MTHFD1L: variants seen among roughly 807,000 people sequenced by gnomAD.
MTHFD1L encodes monofunctional C1-tetrahydrofolate synthase, mitochondrial.
A neutral mutation model predicts 119.5 loss-of-function variants in MTHFD1L; 81 were observed. The ratio of observed to expected loss-of-function variants is 0.68; its 90% confidence interval spans 0.57 to 0.82. The LOEUF (loss-of-function observed/expected upper bound fraction) is 0.82. Ranked by LOEUF, MTHFD1L falls within the 40% of genes least tolerant of loss-of-function variation. MTHFD1L has a pLI of 0.00. For synonymous variants in MTHFD1L, 430 were observed against 475.2 expected (o/e 0.90, Z 1.24); for missense variants, 1,125 against 1,253.4 (o/e 0.90, Z 1.55).
intron 10 of MTHFD1L, 41 bp downstream of exon 10, chr6:150,922,343 C>A: frequency 6.5e-7 from 1 of 1,535,314 alleles, no homozygotes; most frequent in Non-Finnish European, 9.0e-7. Flanking sequence ...CAGCTCAGCA[C>A]AGTGCCTTAG....
intron 26 of MTHFD1L, among the ~76,000 whole-genome samples, chr6:151,051,535 G>A (rs1789035161): frequency 6.6e-6 from 1 of 152,172 alleles, no homozygotes; most frequent in Non-Finnish European, 1.5e-5. Flanking sequence ...AGGAATAACT[G>A]GACTTTAAAC....
At chr6:151,068,345 C>A (rs1791555055) in intron 26 of MTHFD1L, among the ~76,000 whole-genome samples, 1 of 152,240 alleles carries the variant, frequency 6.6e-6, no homozygotes, top group Non-Finnish European at 1.5e-5. Context: ...AAGATCTTAT[C>A]AGTGATGGAG....
intron 7 of MTHFD1L, among the ~76,000 whole-genome samples, chr6:150,905,320 C>T (rs749967712): frequency 1.6e-4 from 24 of 152,260 alleles, no homozygotes; most frequent in Non-Finnish European, 2.9e-4. Context: ...GTGTGAGCCA[C>T]TATGCCCGGC....
chr6:151,015,285 A>T lies in MTHFD1L; in HGVS notation c.2409-231A>T, dbSNP rs760518443. ...CTGTGAATGATCAAAGGGATATGTT[A>T]TGGAATTTTCTTGATAACACCCTTA... On this transcript the variant is annotated intron_variant, in intron 23 of 27. Coordinates refer to ENST00000367321, the MANE Select transcript of MTHFD1L (RefSeq NM_015440.5). 7.7e-4 allele frequency among the ~76,000 whole-genome samples: 104 copies of T among 134,582 alleles called. 1 individual carries two copies. The highest frequency in any genetic ancestry group is 2.3e-3 in the South Asian group (10 of 4,318). 88.3% of individuals were successfully genotyped at this position (134,582 alleles called of 152,430 possible).
At chr6:151,096,573 G>A (rs994310695) in intron 27 of MTHFD1L, among the ~76,000 whole-genome samples, 10 of 152,134 alleles carry the variant, frequency 6.6e-5, no homozygotes, top group Non-Finnish European at 1.5e-5. Context: ...TATTCAAAAT[G>A]CATAAAATAA....
chr6:151,060,655 C>T (rs559688998), intron 26 of MTHFD1L, among the ~76,000 whole-genome samples: 1 of 152,240 alleles, frequency 6.6e-6, no homozygotes, highest in Non-Finnish European at 1.5e-5. Context: ...GCAGCAAGTC[C>T]GCAGCATGAA....
chr6:151,030,195 G>T (rs1251845225), intron 24 of MTHFD1L, among the ~76,000 whole-genome samples: 1 of 152,166 alleles, frequency 6.6e-6, no homozygotes, highest in Non-Finnish European at 1.5e-5. Flanking sequence ...TAAATTCAGG[G>T]AGGTTACATG....
At chr6:150,918,315 G>A (rs1162257812) in intron 8 of MTHFD1L, among the ~76,000 whole-genome samples, 5 of 151,980 alleles carry the variant, frequency 3.3e-5, no homozygotes, top group African/African-American at 4.8e-5. Context: ...CACCTGCCTC[G>A]GCCTCCCAAA....
chr6:151,058,385 G>A (rs941326944), intron 26 of MTHFD1L, among the ~76,000 whole-genome samples: 12 of 152,336 alleles, frequency 7.9e-5, no homozygotes, highest in South Asian at 6.2e-4. Flanking sequence ...TCCTGGCAAA[G>A]GCTGCATTTC....
chr6:150,994,553 A>C (rs1307403940), intron 20 of MTHFD1L, among the ~76,000 whole-genome samples: 1 of 152,170 alleles, frequency 6.6e-6, no homozygotes, highest in Non-Finnish European at 1.5e-5. Flanking sequence ...GGTCAACCAG[A>C]GTTTAGGCAA....
chr6:150,873,732 A>T (rs951526344), intron 1 of MTHFD1L, among the ~76,000 whole-genome samples: 1 of 151,948 alleles, frequency 6.6e-6, no homozygotes, highest in African/African-American at 2.4e-5. Flanking sequence ...CAGTGGCATG[A>T]TTTTGGCTCA....
intron 20 of MTHFD1L, among the ~76,000 whole-genome samples, chr6:150,976,611 C>G (rs1020220461): frequency 3.9e-5 from 6 of 152,286 alleles, no homozygotes; most frequent in South Asian, 4.1e-4. Flanking sequence ...AGGGAAGGAT[C>G]TCTTAAAATA....
chr6:150,935,466 C>T lies in MTHFD1L; in HGVS notation c.1257-1338C>T, dbSNP rs58157143. The stretch of plus-strand genomic sequence containing the variant: ...TCAGCTCCTTGGCATTTGTAGCCTA[C>T]CTGTGCAATCATAGGAGATGGCCTA... On this transcript the variant is annotated intron_variant, in intron 11 of 27. Coordinates refer to ENST00000367321, the MANE Select transcript of MTHFD1L (RefSeq NM_015440.5). 1,317 of 1,609,596 alleles carry T rather than the reference C, an allele frequency of 8.2e-4. 10 individuals are homozygous for T. The African/African-American group carries it at 0.015, about 18-fold the overall frequency.
chr6:151,067,259 T>G (rs527582456), intron 26 of MTHFD1L, among the ~76,000 whole-genome samples: 15 of 152,010 alleles, frequency 9.9e-5, no homozygotes, highest in Middle Eastern at 3.4e-3. Context: ...TCGATTTGAT[T>G]ATTATAAAAT....
intron 9 of MTHFD1L, among the ~76,000 whole-genome samples, chr6:150,920,939 A>ATT (rs869169480): frequency 5.1e-4 from 49 of 96,866 alleles, no homozygotes; most frequent in Non-Finnish European, 7.5e-4. Flanking sequence ...CACCCAGATA[A>ATT]TTTTTTTTTT....
intron 8 of MTHFD1L, among the ~76,000 whole-genome samples, chr6:150,910,857 T>G (rs1190532565): frequency 6.6e-6 from 1 of 152,114 alleles, no homozygotes; most frequent in Admixed American, 6.5e-5. Context: ...ATTTGAAAAA[T>G]CAAACCCAAG....
chr6:150,894,026 T>C (rs1393100875), intron 7 of MTHFD1L, among the ~76,000 whole-genome samples: 1 of 152,140 alleles, frequency 6.6e-6, no homozygotes, highest in Admixed American at 6.6e-5. Context: ...GGCAGATTGC[T>C]TGAGCCCAGG....
At chr6:151,051,487 G>C (rs915803878) in intron 26 of MTHFD1L, among the ~76,000 whole-genome samples, 1 of 152,200 alleles carries the variant, frequency 6.6e-6, no homozygotes, top group Admixed American at 6.5e-5. Flanking sequence ...TAGAGTTCTA[G>C]CGCTCTGTGG....
chr6:151,051,157 T>TTATG (rs1788964778), intron 26 of MTHFD1L, among the ~76,000 whole-genome samples: 1 of 152,180 alleles, frequency 6.6e-6, no homozygotes, highest in African/African-American at 2.4e-5. Context: ...AAGGAGCTCC[T>TTATG]TATGAATAGA....
Sources: allele counts gnomAD v4.1 joint callset (sites outside exome capture counted in the v4.1 genomes callset), GRCh38; gene constraint gnomAD v4.1.1; transcripts MANE v1.5; gene names NCBI Gene and HGNC (gene_info 2026-07-23, HGNC 2026-07-21).